The following MAPKBP1 variants were observed in gnomAD, a reference collection of about 807,000 sequenced individuals.
The protein encoded by MAPKBP1 is mitogen-activated protein kinase binding protein 1.
A neutral mutation model predicts 170.5 loss-of-function variants in MAPKBP1; 71 were observed. That is an observed-to-expected ratio of 0.42 (90% CI 0.34 to 0.51). MAPKBP1 has a LOEUF of 0.51. Ranked by LOEUF, MAPKBP1 falls within the 20% of genes least tolerant of loss-of-function variation. The pLI is 0.06. For synonymous variants in MAPKBP1, 719 were observed against 757.9 expected, an observed-to-expected ratio of 0.95 and a Z score of 0.84; for missense variants, 1,598 against 1,933.0, an observed-to-expected ratio of 0.83 and a Z score of 3.25.
rs555676721 is a variant in MAPKBP1 at position 41,811,979 on chromosome 15, G to T, written c.350G>T (p.Arg117Leu). ...CAGAGTGGGCACATGCCTGCCGTGC[G>T]GGTTTGGGACGTGGCAGAGCACAGC... Reference protein sequence around the residue: ...TGESGHMPAVRVWDVAEHSQV... With the variant: ...TGESGHMPAVLVWDVAEHSQV... The change falls in exon 6 of 31, where the codon CGG becomes CTG. Residue 117 changes from arginine (R) to leucine (L), a missense_variant. Coordinates refer to ENST00000457542, the MANE Select transcript of MAPKBP1 (RefSeq NM_014994.3). 2 of 1,614,142 alleles carry T rather than the reference G, an allele frequency of 1.2e-6. No homozygotes were observed. Among genetic ancestry groups the T allele is most frequent in the African/African-American group, 2.7e-5 (2 of 75,014 alleles).
At chr15:41,816,863 G>A (rs1217192995) in intron 13 of MAPKBP1, 47 bp from the exon 14 acceptor site, 1 of 1,563,758 alleles carries the variant, frequency 6.4e-7, no homozygotes, top group East Asian at 2.3e-5. Context: ...GCCCAGATAA[G>A]GGCTGTTCAG....
chr15:41,817,759 T>C lies in MAPKBP1; in HGVS notation c.1904+24T>C, dbSNP rs1398522689. On this transcript the variant is annotated intron_variant, in intron 16 of 30. Coordinates refer to ENST00000457542, the MANE Select transcript of MAPKBP1 (RefSeq NM_014994.3). This position sits in a 1 kb window ranked among gnomAD's most constrained non-coding sequence, Gnocchi z 4.2. ...CGGTGGGCGTCCCCTCCTCAGACTC[T>C]GCCCACATTCCTTCATCTCCCTACG... 2.5e-6 allele frequency: 4 copies of C among 1,608,100 alleles called. No homozygotes were observed. In the African/African-American group the frequency reaches 4.0e-5, roughly 16 times the overall value.
intron 2 of MAPKBP1, among the ~76,000 whole-genome samples, chr15:41,790,166 C>T (rs1346319800): frequency 6.6e-6 from 1 of 152,136 alleles, no homozygotes; most frequent in African/African-American, 2.4e-5. Context: ...CTCTCTCTGC[C>T]CCAGACCTTT....
intron 2 of MAPKBP1, among the ~76,000 whole-genome samples, chr15:41,798,108 G>T (rs886148674): frequency 1.3e-5 from 2 of 151,306 alleles, no homozygotes; most frequent in Admixed American, 6.6e-5. Flanking sequence ...AAACTAGCAG[G>T]GTGTGGTGGC....
In MAPKBP1 at chr15:41,792,943, C is replaced by T. The variant is rs899711701; in HGVS notation, c.115-6880C>T. On this transcript the variant is annotated intron_variant, in intron 2 of 30. Transcript: ENST00000457542. ...GGTTCTCAGAGTGTGGTCTGAGAAGCCTGGAGTCCCCAAAACCCCTTTAGG... is the reference window on the plus strand; with the variant it reads ...GGTTCTCAGAGTGTGGTCTGAGAAGTCTGGAGTCCCCAAAACCCCTTTAGG... Among the ~76,000 whole-genome samples the T allele has an allele frequency of 3.9e-5, 6 of 152,050 alleles. No homozygotes were observed. In the South Asian group the frequency reaches 1.2e-3, roughly 32 times the overall value.
In MAPKBP1 at chr15:41,817,491, GACA is replaced by G; in HGVS notation, c.1782+34_1782+36del. The G allele has an allele frequency of 2.5e-6, 2 of 807,502 alleles. No individual in the cohort carries two copies. The highest frequency in any genetic ancestry group is 4.1e-6 in the Non-Finnish European group (2 of 492,284). 50.0% of individuals were successfully genotyped at this position (807,502 alleles called of 1,614,324 possible). A position where few individuals can be genotyped will look rare whatever the true frequency, so the allele number is the denominator to read the frequency against. ...CGCTGGGCTTTCCTGAGAGGGGCGG[GACA>G]GGGCGGGGTCTGCCATTCCCTGCCT... On this transcript the variant is annotated intron_variant, in intron 15 of 30. Transcript: ENST00000457542. The surrounding 1 kb of genome is among the most constrained non-coding windows in gnomAD (Gnocchi z 4.2).
chr15:41,818,638 GC>G lies in MAPKBP1; in HGVS notation c.2156+59del. The G allele has an allele frequency of 6.4e-7, 1 of 1,553,032 alleles. No individual in the cohort carries two copies. Among genetic ancestry groups the G allele is most frequent in the Non-Finnish European group, 8.8e-7 (1 of 1,135,532 alleles). ...GATTCTTACTCTGCCACAGCACCCT[GC>G]CCTCCCCTCTCTCCATTTCAGTGAT... On this transcript the variant is annotated intron_variant, in intron 19 of 30. Transcript: ENST00000457542. This position sits in a 1 kb window ranked among gnomAD's most constrained non-coding sequence, Gnocchi z 5.2.
intron 3 of MAPKBP1, among the ~76,000 whole-genome samples, chr15:41,802,997 A>G (rs1047090594): frequency 9.2e-5 from 14 of 152,158 alleles, no homozygotes; most frequent in Admixed American, 5.2e-4. Flanking sequence ...CCAAAATGTT[A>G]TTATGTGACG....
Position 41,827,254 on chromosome 15 carries a change from C to G in MAPKBP1, c.*1818C>G, listed in dbSNP as rs957676753. On this transcript the variant is annotated 3_prime_UTR_variant, in exon 31 of 31. Transcript: ENST00000457542. The stretch of plus-strand genomic sequence containing the variant: ...GGTGGAGGTTGCAGTGAGCCGAGAT[C>G]GCGCCATTGCACTCCAACCTAGGTG... 5.9e-5 allele frequency: 9 copies of G among 151,756 alleles called. No individual in the cohort carries two copies. Among genetic ancestry groups the G allele is most frequent in the African/African-American group, 2.2e-4 (9 of 41,272 alleles). The allele number at this position is 151,756 out of a possible 1,614,324, so 9.4% of individuals were successfully genotyped here. A position where few individuals can be genotyped will look rare whatever the true frequency, so the allele number is the denominator to read the frequency against.
rs1385547142 is a variant in MAPKBP1 at position 41,822,294 on chromosome 15, A to G, written c.3101A>G (p.Asp1034Gly). The stretch of plus-strand genomic sequence containing the variant: ...GACCTTGAAGAGCCAGCTGAGGGTG[A>G]TGAAGAAGAGGAAGAAGAGGAGGGA... ...SSDLEEPAEG[D>G]EEEEEEEGGM... Residue 1034 changes from aspartate to glycine, a missense_variant, in exon 26 of 31, where the codon GAT becomes GGT. Around this residue, in one of 6 missense-constraint regions of MAPKBP1, gnomAD observed 942 missense variants for 953.2 expected, o/e 0.99. Coordinates refer to ENST00000457542, the MANE Select transcript of MAPKBP1 (RefSeq NM_014994.3). 1.2e-6 allele frequency: 2 copies of G among 1,614,078 alleles called. No homozygotes were observed. The highest frequency in any genetic ancestry group is 1.7e-6 in the Non-Finnish European group (2 of 1,180,002).
intron 2 of MAPKBP1, among the ~76,000 whole-genome samples, chr15:41,779,225 T>A (rs562139658): frequency 5.9e-5 from 9 of 152,366 alleles, no homozygotes; most frequent in Admixed American, 2.0e-4. Flanking sequence ...TACTCATTTT[T>A]TTCGAGACGG....
At chr15:41,787,434 C>T (rs1009194716) in intron 2 of MAPKBP1, among the ~76,000 whole-genome samples, 4 of 151,660 alleles carry the variant, frequency 2.6e-5, no homozygotes, top group East Asian at 1.9e-4. Context: ...GTGGTGTGAT[C>T]GCGGCTCATT....
intron 23 of MAPKBP1, chr15:41,821,284 G>A (rs1357161322): frequency 8.0e-6 from 5 of 622,398 alleles, no homozygotes; most frequent in South Asian, 2.0e-5. Context: ...GGCAAAAGTG[G>A]CCTTTGCCCT....
chr15:41,811,278 T>C (rs778103443), intron 5 of MAPKBP1, 43 bp downstream of exon 5: 1 of 1,603,680 alleles, frequency 6.2e-7, no homozygotes, highest in Non-Finnish European at 8.5e-7. Context: ...AGAGGGCAGG[T>C]GTCCTGGCCT....
intron 5 of MAPKBP1, chr15:41,811,543 G>T: frequency 3.1e-6 from 2 of 647,492 alleles, no homozygotes; most frequent in South Asian, 1.5e-5. Flanking sequence ...TGAAGGAAGC[G>T]TGCTTTGGAA....
chr15:41,786,487 G>A (rs1043767136), intron 2 of MAPKBP1, among the ~76,000 whole-genome samples: 2 of 151,718 alleles, frequency 1.3e-5, no homozygotes, highest in Non-Finnish European at 2.9e-5. Flanking sequence ...TGGTATAGCC[G>A]GGCGTGGTGG....
chr15:41,775,781 G>A (rs1333134430), intron 2 of MAPKBP1, among the ~76,000 whole-genome samples: 1 of 152,222 alleles, frequency 6.6e-6, no homozygotes, highest in Admixed American at 6.5e-5. Flanking sequence ...GTAACAGCTG[G>A]GGTTATGTAA....
chr15:41,823,900 C>A lies in MAPKBP1; in HGVS notation c.4052C>A (p.Thr1351Lys). The A allele has an allele frequency of 6.2e-7, 1 of 1,614,196 alleles. No individual in the cohort carries two copies. Among genetic ancestry groups the A allele is most frequent in the South Asian group, 1.1e-5 (1 of 91,086 alleles). ...LGEGTTPKPR[T>K]ECQAHPGPSS... Reference sequence around the variant, plus strand: ...GAGGGCACCACTCCCAAGCCTAGGACAGAGTGCCAGGCTCATCCTGGGCCC... The same window carrying A: ...GAGGGCACCACTCCCAAGCCTAGGAAAGAGTGCCAGGCTCATCCTGGGCCC... The change falls in exon 29 of 31, where the codon ACA (threonine) becomes AAA (lysine). Residue 1351 changes from threonine to lysine, a missense_variant. Thr to Lys is a moderately conservative substitution (Grantham distance 78). Coordinates refer to ENST00000457542, the MANE Select transcript of MAPKBP1 (RefSeq NM_014994.3).
At chr15:41,777,624 G>A (rs532599074) in intron 2 of MAPKBP1, among the ~76,000 whole-genome samples, 1 of 152,232 alleles carries the variant, frequency 6.6e-6, no homozygotes, top group Admixed American at 6.5e-5. Context: ...CACCCAAGAG[G>A]AGTAGCTGTC....
Sources: gnomAD v4.1 joint callset for allele counts (sites outside exome capture counted in the v4.1 genomes callset) on GRCh38, gnomAD v4.1.1 for gene constraint, gnomAD v4.1.1 regional missense constraint, Gnocchi (gnomAD v3.1) non-coding constraint, MANE v1.5 for transcripts, NCBI Gene and HGNC (gene_info 2026-07-23, HGNC 2026-07-21) for gene names.